Variants in PTPRG observed in about 807,000 individuals in gnomAD.
The protein encoded by PTPRG is protein tyrosine phosphatase receptor type G, also known as receptor-type tyrosine-protein phosphatase gamma.
PTPRG carries 102 observed loss-of-function variants against 165.3 expected under a neutral mutation model. The ratio of observed to expected loss-of-function variants is 0.62; its 90% CI spans 0.53 to 0.73. The LOEUF (loss-of-function observed/expected upper bound fraction) is 0.73, where lower values mean the gene tolerates loss of function less well. Among genes scored for constraint, PTPRG ranks in the 30% least tolerant of loss-of-function variants. The pLI is 0.00. For synonymous variants in PTPRG, 675 were observed against 669.5 expected (o/e 1.01, Z -0.13); for missense variants, 1,866 against 1,861.4 (o/e 1.00, Z -0.05).
At chr3:62,207,533 T>C (rs1055287416) in intron 12 of PTPRG, among the ~76,000 whole-genome samples, 1 of 152,226 alleles carries the variant, frequency 6.6e-6, no homozygotes, top group Admixed American at 6.5e-5. Context: ...TTAAGGACTT[T>C]GTGTGTACAT....
chr3:62,235,493 T>C (rs1419430461), intron 14 of PTPRG, among the ~76,000 whole-genome samples: 1 of 152,202 alleles, frequency 6.6e-6, no homozygotes, highest in African/African-American at 2.4e-5. Flanking sequence ...TCCTATCTCC[T>C]GGAAAGTATT....
At chr3:61,793,459 G>A (rs2034951926) in intron 2 of PTPRG, among the ~76,000 whole-genome samples, 2 of 152,096 alleles carry the variant, frequency 1.3e-5, no homozygotes, top group Non-Finnish European at 2.9e-5. Context: ...GCAACTTCCT[G>A]GCCTAGAAGG....
chr3:61,995,681 C>CGCCCGCCTTCCT (rs1405340171), intron 3 of PTPRG, among the ~76,000 whole-genome samples: 1 of 90,504 alleles, frequency 1.1e-5, no homozygotes, highest in African/African-American at 4.3e-5. Context: ...CCTGCCCGCC[C>CGCCCGCCTTCCT]GCCTTCCTTC....
intron 8 of PTPRG, among the ~76,000 whole-genome samples, chr3:62,187,010 G>T (rs916672740): frequency 5.3e-5 from 8 of 152,332 alleles, no homozygotes; most frequent in Admixed American, 5.2e-4. Flanking sequence ...GACTAAGGCT[G>T]TTACTCCATA....
At chr3:61,692,419 ATGT>A (rs1406258330) in intron 1 of PTPRG, among the ~76,000 whole-genome samples, 6 of 152,224 alleles carry the variant, frequency 3.9e-5, no homozygotes, top group African/African-American at 1.4e-4. Flanking sequence ...GTTGTGGCAC[ATGT>A]TGTTTGGTAG....
chr3:62,019,522 CAAA>C (rs57682254), intron 4 of PTPRG, among the ~76,000 whole-genome samples: 1,164 of 93,830 alleles, frequency 0.012, 18 homozygotes, highest in African/African-American at 0.037. Context: ...GACCCCATCT[CAAA>C]AAAAAAAAAA....
intron 2 of PTPRG, among the ~76,000 whole-genome samples, chr3:61,932,169 G>T (rs1197752045): frequency 6.6e-6 from 1 of 152,170 alleles, no homozygotes; most frequent in East Asian, 1.9e-4. Context: ...GGGTCTGCAG[G>T]TGTGGGACCA....
At chr3:62,207,357 A>ATCT in intron 12 of PTPRG, among the ~76,000 whole-genome samples, 1 of 152,344 alleles carries the variant, frequency 6.6e-6, no homozygotes, top group East Asian at 1.9e-4. Flanking sequence ...TGATTAGTAA[A>ATCT]GGACGTGAGT....
At chr3:61,816,177 A>C (rs745838748) in intron 2 of PTPRG, among the ~76,000 whole-genome samples, 3 of 152,178 alleles carry the variant, frequency 2.0e-5, no homozygotes, top group Non-Finnish European at 4.4e-5. Flanking sequence ...CTCCATTCAA[A>C]GTAGGAATTG....
In PTPRG at chr3:62,219,086, G is replaced by T; in HGVS notation, c.2288+103G>T. ...CGGCCTCTGCATTCAGGAAGGTGAGGTAGCTTAAGTGTTTCTGGTCTTGCC... is the reference window on the plus strand; with the variant it reads ...CGGCCTCTGCATTCAGGAAGGTGAGTTAGCTTAAGTGTTTCTGGTCTTGCC... On this transcript the variant is annotated intron_variant, in intron 13 of 29. Transcript: ENST00000474889. This position sits in a 1 kb window ranked among gnomAD's most constrained non-coding sequence, Gnocchi z 4.5. 1 of 1,465,072 alleles carries T rather than the reference G, an allele frequency of 6.8e-7. No individual in the cohort carries two copies. The highest frequency in any genetic ancestry group is 9.2e-7 in the Non-Finnish European group (1 of 1,081,242). 90.8% of individuals were successfully genotyped at this position (1,465,072 alleles called of 1,614,324 possible). A position where few individuals can be genotyped will look rare whatever the true frequency, so the allele number is the denominator to read the frequency against.
At chr3:61,644,130 G>A (rs1702137739) in intron 1 of PTPRG, among the ~76,000 whole-genome samples, 1 of 152,186 alleles carries the variant, frequency 6.6e-6, no homozygotes. Context: ...GTGCCCTGGA[G>A]TTCTTGGAGT....
chr3:62,024,468 C>T (rs543165531), intron 4 of PTPRG, among the ~76,000 whole-genome samples: 1 of 152,310 alleles, frequency 6.6e-6, no homozygotes, highest in Non-Finnish European at 1.5e-5. Context: ...ATATTTGACA[C>T]TGCTACTGTG....
intron 2 of PTPRG, among the ~76,000 whole-genome samples, chr3:61,844,957 G>A (rs375638024): frequency 1.8e-4 from 28 of 152,266 alleles, no homozygotes; most frequent in African/African-American, 6.7e-4. Flanking sequence ...ATAAACTAGG[G>A]CAAGGCTATA....
intron 4 of PTPRG, among the ~76,000 whole-genome samples, chr3:62,035,958 C>T (rs1699923923): frequency 6.6e-6 from 1 of 150,692 alleles, no homozygotes; most frequent in South Asian, 2.1e-4. Flanking sequence ...ATTGATGTCG[C>T]ATTAATTCAG....
rs1360021694 is a variant in PTPRG, at chr3:62,252,860, C to T, written c.2468-2264C>T. ...TACAGCATGCATCTGTATGTATGTC[C>T]GCCTGTCTGGTACTTTTGTGACATT... On this transcript the variant is annotated intron_variant, in intron 15 of 29. Coordinates refer to ENST00000474889, the MANE Select transcript of PTPRG (RefSeq NM_002841.4). The surrounding 1 kb of genome is among the most constrained non-coding windows in gnomAD (Gnocchi z 4.6). Among the ~76,000 whole-genome samples the T allele has an allele frequency of 8.5e-5, 13 of 152,206 alleles. No homozygotes were observed. The highest frequency in any genetic ancestry group is 4.4e-5 in the Non-Finnish European group (3 of 68,004).
At chr3:62,243,699 G>A (rs754191874) in intron 14 of PTPRG, 108 bp from the exon 15 acceptor site, 18 of 696,688 alleles carry the variant, frequency 2.6e-5, no homozygotes, top group Non-Finnish European at 2.8e-5. Context: ...TACCCTCAGT[G>A]CTGTGTGATG....
chr3:61,610,753 C>CCCTCCCTCCCTG (rs1701140848), intron 1 of PTPRG, among the ~76,000 whole-genome samples: 2 of 119,468 alleles, frequency 1.7e-5, no homozygotes, highest in Non-Finnish European at 3.5e-5. Flanking sequence ...CTCCCTGCCT[C>CCCTCCCTCCCTG]CCTCCCTCCC....
At chr3:61,702,271 G>A (rs969965302) in intron 1 of PTPRG, among the ~76,000 whole-genome samples, 3 of 152,278 alleles carry the variant, frequency 2.0e-5, no homozygotes, top group Non-Finnish European at 4.4e-5. Flanking sequence ...GAGCCACCGC[G>A]TCTGGCCATG....
chr3:61,872,787 C>T (rs1025191696), intron 2 of PTPRG, among the ~76,000 whole-genome samples: 2 of 152,102 alleles, frequency 1.3e-5, no homozygotes, highest in African/African-American at 2.4e-5. Flanking sequence ...AATCTTTGGG[C>T]CAGTTTGGAT....
Sources: gnomAD v4.1 joint callset for allele counts (sites outside exome capture counted in the v4.1 genomes callset) on GRCh38, gnomAD v4.1.1 for gene constraint, Gnocchi (gnomAD v3.1) non-coding constraint, MANE v1.5 for transcripts, NCBI Gene and HGNC (gene_info 2026-07-23, HGNC 2026-07-21) for gene names.